NOS1: variants seen among roughly 807,000 people sequenced by gnomAD.
NOS1 encodes the protein nitric oxide synthase 1, also known as NOS type I.
A neutral mutation model predicts 164.5 loss-of-function variants in NOS1; 51 were observed. That is an observed-to-expected ratio of 0.31 (90% confidence interval 0.25 to 0.39). NOS1 has a LOEUF of 0.39. Among genes scored for constraint, NOS1 ranks in the 10% least tolerant of loss-of-function variants. The pLI, the probability that NOS1 is intolerant of heterozygous loss-of-function variation, is 1.00. For missense variants in NOS1, 1,362 were observed against 1,885.6 expected (o/e 0.72, Z 5.14); for synonymous variants, 719 against 745.8 (o/e 0.96, Z 0.59).
intron 24 of NOS1, among the ~76,000 whole-genome samples, chr12:117,225,753 G>C (rs1353321884): frequency 6.6e-6 from 1 of 152,046 alleles, no homozygotes; most frequent in African/African-American, 2.4e-5. Flanking sequence ...GGCCTCCCAA[G>C]TAGCTGGGAT....
rs768083467 is a variant in NOS1, at chr12:117,265,433, G to A, written c.2019C>T (p.Cys673=). ...FIKHMENEYR[C]RGGCPADWVW... is the part of the protein sequence containing the mutation. ...CCCAGTCGGCAGGGCAGCCCCCCCG[G>A]CAGCGGTACTCATTCTCCATGTGCT... Residue 673 remains cysteine, a synonymous_variant, in exon 12 of 29, where the codon TGC becomes TGT. Coordinates refer to ENST00000317775, the MANE Select transcript of NOS1 (RefSeq NM_000620.5). 3 of 1,592,022 alleles carry A rather than the reference G, an allele frequency of 1.9e-6. No homozygotes were observed. Among genetic ancestry groups the A allele is most frequent in the Non-Finnish European group, 2.6e-6 (3 of 1,169,900 alleles).
intron 1 of NOS1, among the ~76,000 whole-genome samples, chr12:117,333,562 T>C (rs1385399148): frequency 6.6e-6 from 1 of 152,164 alleles, no homozygotes; most frequent in African/African-American, 2.4e-5. Flanking sequence ...AATTAGCAAG[T>C]TCAGCCTCCC....
At chr12:117,250,327 C>CTTTT (rs556629285) in intron 17 of NOS1, among the ~76,000 whole-genome samples, 1 of 130,176 alleles carries the variant, frequency 7.7e-6, no homozygotes, top group African/African-American at 2.9e-5. Context: ...TTGCCATTTA[C>CTTTT]TTTTTTTTTT....
At chr12:117,240,731 G>C (rs1447987022) in intron 20 of NOS1, among the ~76,000 whole-genome samples, 1 of 152,184 alleles carries the variant, frequency 6.6e-6, no homozygotes, top group Non-Finnish European at 1.5e-5. Context: ...GCAATCTTCA[G>C]AGCTATCATT....
intron 7 of NOS1, among the ~76,000 whole-genome samples, chr12:117,284,812 G>C (rs937234300): frequency 6.6e-6 from 1 of 152,114 alleles, no homozygotes; most frequent in Non-Finnish European, 1.5e-5. Flanking sequence ...CATTTTGGGA[G>C]GCCGAGGCGG....
chr12:117,258,445 C>T lies in NOS1; in HGVS notation c.2483G>A (p.Cys828Tyr), dbSNP rs200144876. ...DPPENGEKFG[C>Y]ALMEMRHPNS... ...GGGGTGCCTCATTTCCATCAAAGCACAGCCGAATTTCTGGAAGCCAAAACA... is the reference window on the plus strand; with the variant it reads ...GGGGTGCCTCATTTCCATCAAAGCATAGCCGAATTTCTGGAAGCCAAAACA... Residue 828 changes from cysteine (C) to tyrosine (Y), a missense_variant, in exon 16 of 29, where the codon TGT becomes TAT. Coordinates refer to ENST00000317775, the MANE Select transcript of NOS1 (RefSeq NM_000620.5). 4.3e-5 allele frequency: 70 copies of T among 1,614,148 alleles called. No homozygotes were observed. The East Asian group carries it at 1.5e-3, about 35-fold the overall frequency.
chr12:117,249,306 T>C (rs1048370640), intron 17 of NOS1, among the ~76,000 whole-genome samples: 10 of 152,180 alleles, frequency 6.6e-5, no homozygotes, highest in African/African-American at 2.4e-4. Flanking sequence ...TTTCTTTTGG[T>C]CTCTTCTAAG....
intron 23 of NOS1, 26 bp from the exon 24 acceptor site, chr12:117,226,796 G>C: frequency 1.3e-6 from 2 of 1,584,366 alleles, no homozygotes; most frequent in Non-Finnish European, 1.7e-6. Flanking sequence ...AGGCAGTCAG[G>C]GCCACCCACT....
intron 2 of NOS1, among the ~76,000 whole-genome samples, chr12:117,326,390 AAAAAAAAAAAAC>A (rs56270707): frequency 0.75 from 104,945 of 139,950 alleles, 38,448 homozygotes; most frequent in Non-Finnish European, 0.8. Flanking sequence ...TGTCTCAAAA[AAAAAAAAAAAAC>A]AAAAAAACAA....
In NOS1 at chr12:117,290,367, G is replaced by A; in HGVS notation, c.912C>T (p.Arg304=). 1.2e-6 allele frequency: 2 copies of A among 1,614,076 alleles called. No individual in the cohort carries two copies. Among genetic ancestry groups the A allele is most frequent in the East Asian group, 2.2e-5 (1 of 44,872 alleles). The change falls in exon 4 of 29, where the codon CGC becomes CGT. Residue 304 remains arginine (R), a synonymous_variant. Coordinates refer to ENST00000317775, the MANE Select transcript of NOS1 (RefSeq NM_000620.5). ...TKNGSPSKCP[R]FLKVKNWETE... is the part of the protein sequence containing the mutation. ...TCTCCCAGTTCTTGACCTTGAGGAAGCGTGGACACTTGGAGGGGCTGCCAT... is the reference window on the plus strand; with the variant it reads ...TCTCCCAGTTCTTGACCTTGAGGAAACGTGGACACTTGGAGGGGCTGCCAT...
At chr12:117,352,723 G>A (rs1005260832) in intron 1 of NOS1, among the ~76,000 whole-genome samples, 7 of 152,024 alleles carry the variant, frequency 4.6e-5, no homozygotes, top group African/African-American at 1.7e-4. Flanking sequence ...GGGAGAGAGA[G>A]AGAGATGTGT....
At chr12:117,305,076 T>C in intron 3 of NOS1, 1 of 985,356 alleles carries the variant, frequency 1.0e-6, no homozygotes, top group Non-Finnish European at 1.2e-6. Flanking sequence ...GGATTGCAGG[T>C]AGTGGCTGGG....
rs769193459 is a variant in NOS1, at chr12:117,208,389, A to AGC, written c.*6918_*6919dup. ...TAGGGGGGACGGCCGAGTTTCTGACAGCGTGTGTGTGTGTGTGTGTGTGTG... is the reference window on the plus strand; with the variant it reads ...TAGGGGGGACGGCCGAGTTTCTGACAGCGCGTGTGTGTGTGTGTGTGTGTGTG... On this transcript the variant is annotated 3_prime_UTR_variant, in exon 29 of 29. Transcript: ENST00000317775. The AGC allele has an allele frequency of 2.2e-6, 2 of 913,622 alleles. No individual in the cohort carries two copies. Among genetic ancestry groups the AGC allele is most frequent in the Non-Finnish European group, 2.8e-6 (2 of 715,770 alleles). 56.6% of individuals were successfully genotyped at this position (913,622 alleles called of 1,614,324 possible).
intron 3 of NOS1, among the ~76,000 whole-genome samples, chr12:117,295,670 T>G (rs1487803187): frequency 7.0e-6 from 1 of 143,256 alleles, no homozygotes; most frequent in East Asian, 2.1e-4. Flanking sequence ...CAGGCTGAAG[T>G]GCAGTGGTGT....
intron 2 of NOS1, among the ~76,000 whole-genome samples, chr12:117,316,718 C>CT: frequency 6.6e-6 from 1 of 152,254 alleles, no homozygotes; most frequent in South Asian, 2.1e-4. Context: ...CTGAGAGTCA[C>CT]TGTGTATAGG....
rs866346338 is a variant in NOS1 at position 117,260,149 on chromosome 12, C to A, written c.2367+316G>T. ...AAAAAAAAAACAAAAAACAAAAAAA[C>A]AAAAAAACAAAACCAAAAAACCATC... On this transcript the variant is annotated intron_variant, in intron 14 of 28. Coordinates refer to ENST00000317775, the MANE Select transcript of NOS1 (RefSeq NM_000620.5). 9.4e-5 allele frequency among the ~76,000 whole-genome samples: 14 copies of A among 148,188 alleles called. No individual in the cohort carries two copies. In the Middle Eastern group the frequency reaches 0.018, roughly 186 times the overall value.
chr12:117,232,577 A>C (rs1438734236), intron 21 of NOS1, among the ~76,000 whole-genome samples: 2 of 152,160 alleles, frequency 1.3e-5, no homozygotes, highest in Admixed American at 6.5e-5. Context: ...ATATTAGCTC[A>C]TTTAATCATC....
intron 1 of NOS1, among the ~76,000 whole-genome samples, chr12:117,344,113 T>C (rs527590): frequency 0.83 from 125,615 of 152,210 alleles, 52,379 homozygotes; most frequent in African/African-American, 0.94. Flanking sequence ...CCTACCTTAG[T>C]ATGAATGTGT....
chr12:117,239,926 T>C (rs927799230), intron 20 of NOS1, among the ~76,000 whole-genome samples: 1 of 152,080 alleles, frequency 6.6e-6, no homozygotes, highest in Non-Finnish European at 1.5e-5. Context: ...GCTAGTCACT[T>C]TTAGACCCGT....
Sources: gnomAD v4.1 joint callset for allele counts (sites outside exome capture counted in the v4.1 genomes callset) on GRCh38, gnomAD v4.1.1 for gene constraint, MANE v1.5 for transcripts, NCBI Gene and HGNC (gene_info 2026-07-23, HGNC 2026-07-21) for gene names.